The following EVI5 variants were observed in gnomAD, a reference collection of about 807,000 sequenced individuals.
The protein encoded by EVI5 is ecotropic viral integration site 5 protein homolog.
A neutral mutation model predicts 112.0 loss-of-function variants in EVI5; 73 were observed. That is an observed-to-expected ratio of 0.65 (90% CI 0.54 to 0.79). The LOEUF (loss-of-function observed/expected upper bound fraction) is 0.79, where lower values mean the gene tolerates loss of function less well. Among genes scored for constraint, EVI5 ranks in the 30% least tolerant of loss-of-function variants. The pLI, the probability that EVI5 is intolerant of heterozygous loss-of-function variation, is 0.00. For missense variants in EVI5, 900 were observed against 968.8 expected (o/e 0.93, Z 0.94); for synonymous variants, 305 against 319.9 (o/e 0.95, Z 0.50).
At chr1:92,539,532 G>T (rs1191716060) in intron 19 of EVI5, among the ~76,000 whole-genome samples, 1 of 104,004 alleles carries the variant, frequency 9.6e-6, no homozygotes, top group Non-Finnish European at 1.8e-5. Context: ...GACAGAGCTA[G>T]ACTCCATCTC....
Position 92,756,595 on chromosome 1 carries a change from G to A in EVI5, c.-81-19968C>T. ...GAAAGAAGCAAAGAGAGGACAAGCA[G>A]GACCTCAAATGGCACAACTAAGTGT... On this transcript the variant is annotated intron_variant, in intron 1 of 19. Coordinates refer to ENST00000684568, the MANE Select transcript of EVI5 (RefSeq NM_001350197.2). The A allele has an allele frequency of 7.9e-6, 4 of 503,998 alleles. No homozygotes were observed. In the Admixed American group the frequency reaches 8.2e-5, roughly 10 times the overall value. The allele number at this position is 503,998 out of a possible 1,614,324, so 31.2% of individuals were successfully genotyped here.
At chr1:92,718,611 C>T (rs193076686) in intron 2 of EVI5, among the ~76,000 whole-genome samples, 1 of 152,072 alleles carries the variant, frequency 6.6e-6, no homozygotes, top group East Asian at 1.9e-4. Context: ...AAATTGACAC[C>T]ATAACATCAC....
chr1:92,629,512 T>C (rs188405094), intron 14 of EVI5, among the ~76,000 whole-genome samples: 1 of 152,202 alleles, frequency 6.6e-6, no homozygotes, highest in South Asian at 2.1e-4. Flanking sequence ...TCCCATTACT[T>C]ATCTCATCTT....
intron 16 of EVI5, among the ~76,000 whole-genome samples, chr1:92,614,836 TATTTTATA>T (rs1473223049): frequency 6.8e-4 from 12 of 17,566 alleles, no homozygotes; most frequent in African/African-American, 8.9e-4. Context: ...TTTTATGTTA[TATTTTATA>T]TATATATATA....
chr1:92,789,476 G>C (rs1685927369), upstream of EVI5, among the ~76,000 whole-genome samples: 1 of 152,174 alleles, frequency 6.6e-6, no homozygotes, highest in East Asian at 1.9e-4. Context: ...CTAATTTTTT[G>C]TATTTTTAGT....
intron 19 of EVI5, among the ~76,000 whole-genome samples, chr1:92,537,835 G>A (rs1664145061): frequency 1.3e-5 from 2 of 150,764 alleles, no homozygotes; most frequent in South Asian, 4.2e-4. Context: ...ATAATACTAG[G>A]TACATAATGC....
chr1:92,780,463 C>T (rs927239701), intron 1 of EVI5, among the ~76,000 whole-genome samples: 4 of 152,170 alleles, frequency 2.6e-5, no homozygotes, highest in Non-Finnish European at 5.9e-5. Flanking sequence ...TTGCCCACCT[C>T]TCAAAGTTGG....
At chr1:92,754,436 C>T (rs1381717352) in intron 1 of EVI5, among the ~76,000 whole-genome samples, 1 of 152,140 alleles carries the variant, frequency 6.6e-6, no homozygotes, top group East Asian at 1.9e-4. Flanking sequence ...TAGCTTAATA[C>T]ATTAAATATT....
intron 1 of EVI5, among the ~76,000 whole-genome samples, chr1:92,747,388 G>A (rs1352386210): frequency 6.6e-6 from 1 of 152,072 alleles, no homozygotes; most frequent in Non-Finnish European, 1.5e-5. Flanking sequence ...TAGTACTGCT[G>A]TTACAAAGTA....
At chr1:92,641,727 T>C (rs548853120) in intron 13 of EVI5, among the ~76,000 whole-genome samples, 2 of 152,298 alleles carry the variant, frequency 1.3e-5, no homozygotes, top group East Asian at 1.9e-4. Flanking sequence ...TCCCTCAGCA[T>C]ATGACCCCAA....
chr1:92,612,653 T>C (rs1300173482), intron 16 of EVI5, among the ~76,000 whole-genome samples: 5 of 132,916 alleles, frequency 3.8e-5, no homozygotes, highest in South Asian at 4.5e-4. Flanking sequence ...GAGGTTGCAG[T>C]GAGCTGAGAT....
At chr1:92,700,832 G>A (rs985869689) in intron 5 of EVI5, 1 of 152,142 alleles carries the variant, frequency 6.6e-6, no homozygotes, top group African/African-American at 2.4e-5. Context: ...AATAATGAAG[G>A]ATCTACCAAT....
chr1:92,588,004 A>G (rs553572175), intron 18 of EVI5, among the ~76,000 whole-genome samples: 11 of 152,286 alleles, frequency 7.2e-5, no homozygotes, highest in African/African-American at 2.6e-4. Context: ...TGACTTTTCT[A>G]TGTTTTGTTC....
At chr1:92,572,017 C>T (rs895914759) in intron 18 of EVI5, among the ~76,000 whole-genome samples, 2 of 152,090 alleles carry the variant, frequency 1.3e-5, no homozygotes, top group Admixed American at 6.6e-5. Flanking sequence ...ATAAAGAGGG[C>T]ATAACATAAC....
At chr1:92,563,833 C>T in intron 18 of EVI5, 96 bp from the exon 19 acceptor site, 2 of 606,412 alleles carry the variant, frequency 3.3e-6, no homozygotes, top group Non-Finnish European at 5.9e-6. Context: ...TAGGCACATA[C>T]CCTTTAATCA....
chr1:92,587,758 C>A (rs895976512), intron 18 of EVI5, among the ~76,000 whole-genome samples: 10 of 151,910 alleles, frequency 6.6e-5, no homozygotes, highest in East Asian at 1.9e-4. Flanking sequence ...AGGAAAAAAA[C>A]CAAAAGTTGG....
At position 92,536,579 on chromosome 1, in the gene EVI5, G is replaced by A. The variant is rs533588824; in HGVS notation, c.2167-22609C>T. 2.0e-5 allele frequency among the ~76,000 whole-genome samples: 3 copies of A among 152,248 alleles called. No homozygotes were observed. In the South Asian group the frequency reaches 6.2e-4, roughly 32 times the overall value. ...CCCCAAAGGACTTCATCATCATTAA[G>A]GATACATAAGTATTTTTAAATTTTT... On this transcript the variant is annotated intron_variant, in intron 19 of 19. Coordinates refer to ENST00000684568, the MANE Select transcript of EVI5 (RefSeq NM_001350197.2).
chr1:92,666,075 C>T, intron 10 of EVI5, 83 bp from the exon 11 acceptor site: 1 of 825,716 alleles, frequency 1.2e-6, no homozygotes, highest in Non-Finnish European at 2.0e-6. Context: ...GAAAATGTAT[C>T]ACCTTTTATA....
intron 9 of EVI5, among the ~76,000 whole-genome samples, chr1:92,683,026 A>G (rs1298425590): frequency 6.6e-6 from 1 of 152,196 alleles, no homozygotes; most frequent in Non-Finnish European, 1.5e-5. Flanking sequence ...TTATTTATGG[A>G]CGTCTAATCT....
Sources: gnomAD v4.1 joint callset for allele counts (sites outside exome capture counted in the v4.1 genomes callset) on GRCh38, gnomAD v4.1.1 for gene constraint, MANE v1.5 for transcripts, NCBI Gene and HGNC (gene_info 2026-07-23, HGNC 2026-07-21) for gene names.